CCDC30: variants seen among roughly 807,000 people sequenced by gnomAD.
CCDC30 encodes coiled-coil domain-containing protein 30.
In CCDC30, 70 loss-of-function variants were observed where a neutral mutation model predicts 100.2. That is an observed-to-expected ratio of 0.70 (90% CI 0.58 to 0.85). CCDC30 has a LOEUF of 0.85. Ranked by LOEUF, CCDC30 falls within the 40% of genes least tolerant of loss-of-function variation. CCDC30 has a pLI of 0.00. For synonymous variants in CCDC30, 233 were observed against 269.5 expected (o/e 0.86, Z 1.33); for missense variants, 652 against 771.2 (o/e 0.85, Z 1.83).
At chr1:42,506,630 G>A (rs1644399325) in intron 6 of CCDC30, among the ~76,000 whole-genome samples, 1 of 152,148 alleles carries the variant, frequency 6.6e-6, no homozygotes, top group Admixed American at 6.5e-5. Flanking sequence ...GCAATTCCAT[G>A]TAATTAAATA....
intron 6 of CCDC30, among the ~76,000 whole-genome samples, chr1:42,532,347 A>T (rs1311360286): frequency 2.0e-5 from 3 of 152,164 alleles, no homozygotes; most frequent in Non-Finnish European, 4.4e-5. Flanking sequence ...AAGGAAAAAT[A>T]ATTTAGGAAA....
chr1:42,608,468 G>A lies in CCDC30; in HGVS notation c.1165-2510G>A, dbSNP rs957880729. Among the ~76,000 whole-genome samples, 5 of 152,164 alleles carry A rather than the reference G, an allele frequency of 3.3e-5. No individual in the cohort carries two copies. The South Asian group carries it at 6.2e-4, about 19-fold the overall frequency. On this transcript the variant is annotated intron_variant, in intron 10 of 16. Coordinates refer to ENST00000668663, the Ensembl canonical transcript of CCDC30. ...TGTGATCCCAGCACTTTGGGAGGCCGAGGCGGGCGGATCACGAGGTCAGGA... is the reference window on the plus strand; with the variant it reads ...TGTGATCCCAGCACTTTGGGAGGCCAAGGCGGGCGGATCACGAGGTCAGGA...
At chr1:42,615,908 GTTTT>G (rs1646718644) in intron 11 of CCDC30, among the ~76,000 whole-genome samples, 2 of 151,172 alleles carry the variant, frequency 1.3e-5, no homozygotes. Context: ...TTTTGAACTT[GTTTT>G]TTGTTTTTTT....
chr1:42,456,579 A>G, the CCDC30 span: 26 of 1,487,878 alleles, frequency 1.7e-5, no homozygotes, highest in Non-Finnish European at 2.2e-5. Context: ...GCGGAAATGG[A>G]TCCGGTAGCC....
chr1:42,494,845 G>C (rs2148471579), intron 4 of CCDC30, among the ~76,000 whole-genome samples: 1 of 94,614 alleles, frequency 1.1e-5, no homozygotes, highest in Admixed American at 1.3e-4. Context: ...TCATTAAAAA[G>C]TCAGGAAACA....
chr1:42,542,351 A>T (rs190331533), intron 6 of CCDC30, among the ~76,000 whole-genome samples: 1 of 152,136 alleles, frequency 6.6e-6, no homozygotes, highest in Admixed American at 6.5e-5. Flanking sequence ...TATAACGTCA[A>T]ATCTAAACTC....
rs61729282 is a variant in CCDC30 at position 42,577,096 on chromosome 1, A to G, written c.713A>G (p.Tyr238Cys). The stretch of plus-strand genomic sequence containing the variant: ...ATGTGCTCTTCACTCACGGCAGAGT[A>G]CAAGCACTGTCAGCAGAAAATCAAG... Residue 238 changes from tyrosine (Y) to cysteine (C), a missense_variant, in exon 8 of 17, where the codon TAC becomes TGC. Transcript: ENST00000668663. 2,122 of 1,614,156 alleles carry G rather than the reference A, an allele frequency of 1.3e-3. 20 individuals are homozygous for G. The African/African-American group carries it at 0.024, about 18-fold the overall frequency.
rs1424036924 is a variant in CCDC30, at chr1:42,495,305, G to A, written c.242-1793G>A. ...CTCACTCATAGGTGGGAATTGAACA[G>A]TGAGAACACATGGACACAGGAAGGG... On this transcript the variant is annotated intron_variant, in intron 4 of 16. Transcript: ENST00000668663. Among the ~76,000 whole-genome samples, 15 of 151,806 alleles carry A rather than the reference G, an allele frequency of 9.9e-5. 1 individual carries two copies. Among genetic ancestry groups the A allele is most frequent in the Admixed American group, 7.2e-4 (11 of 15,222 alleles).
In CCDC30 at chr1:42,566,288, T is replaced by C. The variant is rs1193608246; in HGVS notation, c.457-8T>C. The C allele has an allele frequency of 1.9e-6, 3 of 1,605,120 alleles. No individual in the cohort carries two copies. Among genetic ancestry groups the C allele is most frequent in the East Asian group, 2.2e-5 (1 of 44,732 alleles). On this transcript the variant is annotated splice_region_variant and splice_polypyrimidine_tract_variant and intron_variant, in intron 6 of 16. Transcript: ENST00000668663. ...GTCTGTGTTTCTCTTTTAAAATGTT[T>C]GCTTTAGCATCCATCATCTGGAGAA... is the stretch of plus-strand genomic sequence containing the variant.
chr1:42,552,313 G>A (rs559165863), intron 6 of CCDC30, among the ~76,000 whole-genome samples: 4 of 152,148 alleles, frequency 2.6e-5, no homozygotes, highest in African/African-American at 7.2e-5. Context: ...CTCCTTGACC[G>A]CCATGCTCTG....
In CCDC30 at chr1:42,490,880, A is replaced by G. The variant is rs542170032; in HGVS notation, c.241+651A>G. ...TATTTTACTGGGACCACTGACACCAATATACTTTATAATGCATTTAACAAT... is the reference window on the plus strand; with the variant it reads ...TATTTTACTGGGACCACTGACACCAGTATACTTTATAATGCATTTAACAAT... On this transcript the variant is annotated intron_variant, in intron 4 of 16. Transcript: ENST00000668663. 4.6e-5 allele frequency among the ~76,000 whole-genome samples: 7 copies of G among 152,310 alleles called. No individual in the cohort carries two copies. The East Asian group carries it at 7.7e-4, about 17-fold the overall frequency.
intron 6 of CCDC30, among the ~76,000 whole-genome samples, chr1:42,542,152 T>A (rs1230984670): frequency 6.6e-6 from 1 of 152,138 alleles, no homozygotes; most frequent in Non-Finnish European, 1.5e-5. Context: ...TGGAACAGAG[T>A]TGGTCCTGTT....
intron 6 of CCDC30, among the ~76,000 whole-genome samples, chr1:42,522,302 A>G (rs1241330070): frequency 2.6e-5 from 4 of 152,130 alleles, no homozygotes; most frequent in Non-Finnish European, 5.9e-5. Flanking sequence ...CAATTTGCCA[A>G]TCTCTGTCTT....
At chr1:42,549,792 C>T (rs571896761) in intron 6 of CCDC30, among the ~76,000 whole-genome samples, 1 of 152,248 alleles carries the variant, frequency 6.6e-6, no homozygotes, top group East Asian at 1.9e-4. Context: ...CAATAGCAGC[C>T]CCAAGCTTAT....
rs777049481 is a variant in CCDC30 at position 42,577,273 on chromosome 1, C to G, written c.846+44C>G. Reference sequence around the variant, plus strand: ...AATAAACAGCATACACTGAATACCACTACTGAAATCTTATTTCCCTGAGGA... The same window carrying G: ...AATAAACAGCATACACTGAATACCAGTACTGAAATCTTATTTCCCTGAGGA... On this transcript the variant is annotated intron_variant, in intron 8 of 16. Transcript: ENST00000668663. 3 of 1,188,716 alleles carry G rather than the reference C, an allele frequency of 2.5e-6. No individual in the cohort carries two copies. The East Asian group carries it at 7.1e-5, about 28-fold the overall frequency. 73.6% of individuals were successfully genotyped at this position (1,188,716 alleles called of 1,614,324 possible). A position where few individuals can be genotyped will look rare whatever the true frequency, so the allele number is the denominator to read the frequency against.
chr1:42,542,457 T>C, intron 6 of CCDC30, among the ~76,000 whole-genome samples: 1 of 151,472 alleles, frequency 6.6e-6, no homozygotes, highest in Non-Finnish European at 1.5e-5. Context: ...CCTCCTGGCC[T>C]CAGGTGATTG....
intron 9 of CCDC30, among the ~76,000 whole-genome samples, chr1:42,586,173 G>C (rs890760483): frequency 6.6e-6 from 1 of 152,192 alleles, no homozygotes. Context: ...ATAGACAATA[G>C]TATGGAGGAC....
Position 42,540,676 on chromosome 1 carries a change from T to C in CCDC30, c.457-25620T>C, listed in dbSNP as rs11210666. 7.6e-3 allele frequency among the ~76,000 whole-genome samples: 1,139 copies of C among 150,436 alleles called. 7 individuals carry two copies. The highest frequency in any genetic ancestry group is 0.044 in the Middle Eastern group (13 of 294). Reference sequence around the variant, plus strand: ...ACACACACACACACACACATACACATACACACACACACACACAGTTTTTTA... The same window carrying C: ...ACACACACACACACACACATACACACACACACACACACACACAGTTTTTTA... On this transcript the variant is annotated intron_variant, in intron 6 of 16. Coordinates refer to ENST00000668663, the Ensembl canonical transcript of CCDC30.
chr1:42,495,273 A>G (rs1386252473), intron 4 of CCDC30, among the ~76,000 whole-genome samples: 1 of 151,568 alleles, frequency 6.6e-6, no homozygotes, highest in African/African-American at 2.4e-5. Context: ...ACCAAACACC[A>G]CATATTCTCA....
Sources: gnomAD v4.1 joint callset for allele counts (sites outside exome capture counted in the v4.1 genomes callset) on GRCh38, gnomAD v4.1.1 for gene constraint, MANE v1.5 for transcripts, NCBI Gene and HGNC (gene_info 2026-07-23, HGNC 2026-07-21) for gene names.